EXD3: variants seen among roughly 807,000 people sequenced by gnomAD.
EXD3 encodes the protein exonuclease 3'-5' domain containing 3.
Under a neutral mutation model 98.0 loss-of-function variants are expected in EXD3, and 92 were observed. The observed-to-expected ratio is 0.94, with a 90% CI of 0.79 to 1.12. The LOEUF is 1.12. EXD3 is among the 50% of genes most tolerant of loss of function. The pLI, the probability that EXD3 is intolerant of heterozygous loss-of-function variation, is 0.00. For synonymous variants in EXD3, 569 were observed against 526.0 expected, an observed-to-expected ratio of 1.08 and a Z score of -1.12; for missense variants, 1,222 against 1,191.6, an observed-to-expected ratio of 1.03 and a Z score of -0.38.
In EXD3 at chr9:137,373,544, A is replaced by T. The variant is rs778178791; in HGVS notation, c.176T>A (p.Leu59His). 2 of 1,603,538 alleles carry T rather than the reference A, an allele frequency of 1.2e-6. No individual in the cohort carries two copies. The highest frequency in any genetic ancestry group is 2.2e-5 in the South Asian group (2 of 89,298). ...FAALDDPLAG[L>H]LDMLESCRGQ... ...CCGGCAGCTCTCCAGCATGTCCAGAAGCCCGGCCAGGGGGTCGTCCAAGGC... is the reference window on the plus strand; with the variant it reads ...CCGGCAGCTCTCCAGCATGTCCAGATGCCCGGCCAGGGGGTCGTCCAAGGC... Residue 59 changes from leucine (L) to histidine (H), a missense_variant, in exon 4 of 22, where the codon CTT (leucine) becomes CAT (histidine). Coordinates refer to ENST00000340951, the MANE Select transcript of EXD3 (RefSeq NM_017820.5).
rs1588400518 is a variant in EXD3 at position 137,385,967 on chromosome 9, T to C, written c.56-2590A>G. ...GTACACAGGAAAGTGGTTAAAATGG[T>C]AAATTTCATGTTATGTATATTTCAC... On this transcript the variant is annotated intron_variant, in intron 2 of 21. Coordinates refer to ENST00000340951, the MANE Select transcript of EXD3 (RefSeq NM_017820.5). This position sits in a 1 kb window ranked among gnomAD's most constrained non-coding sequence, Gnocchi z 4.4. Among the ~76,000 whole-genome samples, 1 of 152,138 alleles carries C rather than the reference T, an allele frequency of 6.6e-6. No homozygotes were observed. The highest frequency in any genetic ancestry group is 2.4e-5 in the African/African-American group (1 of 41,454).
chr9:137,309,242 G>A (rs1304312286), intron 20 of EXD3, among the ~76,000 whole-genome samples: 1 of 152,214 alleles, frequency 6.6e-6, no homozygotes, highest in East Asian at 1.9e-4. Context: ...GACATCTGGG[G>A]TCAGCTAGTG....
At chr9:137,417,831 G>T (rs574095162) in intron 1 of EXD3, among the ~76,000 whole-genome samples, 3 of 152,228 alleles carry the variant, frequency 2.0e-5, no homozygotes, top group Admixed American at 1.3e-4. Flanking sequence ...GGGCGCCTGC[G>T]GGGGAGGCCG....
intron 1 of EXD3, among the ~76,000 whole-genome samples, chr9:137,401,516 G>A (rs573349516): frequency 3.0e-4 from 46 of 152,290 alleles, no homozygotes; most frequent in Non-Finnish European, 5.0e-4. Context: ...CCGCCCCACA[G>A]CAAACTTTTG....
At chr9:137,417,055 G>C (rs1321927774) in intron 1 of EXD3, among the ~76,000 whole-genome samples, 1 of 152,254 alleles carries the variant, frequency 6.6e-6, no homozygotes, top group Non-Finnish European at 1.5e-5. Context: ...AGAACAGGCG[G>C]AGGCGGCAAC....
chr9:137,355,520 A>AGGAGGAT (rs1834638191), intron 8 of EXD3, among the ~76,000 whole-genome samples: 1 of 37,702 alleles, frequency 2.7e-5, no homozygotes. Context: ...GGAAGGAGGA[A>AGGAGGAT]GGAGGATGGA....
chr9:137,340,941 G>A (rs1003122172), intron 17 of EXD3, among the ~76,000 whole-genome samples: 6 of 152,320 alleles, frequency 3.9e-5, no homozygotes, highest in African/African-American at 1.4e-4. Flanking sequence ...TGAAGGAGAA[G>A]AACAAGGTAG....
At chr9:137,353,972 G>A in intron 10 of EXD3, 1 of 1,082,690 alleles carries the variant, frequency 9.2e-7, no homozygotes, top group Non-Finnish European at 1.1e-6. Context: ...CTGGCACCGG[G>A]CTGGGGGGGC....
At chr9:137,356,110 C>G (rs1834772509) in intron 8 of EXD3, among the ~76,000 whole-genome samples, 158 bp downstream of exon 8, 1 of 152,202 alleles carries the variant, frequency 6.6e-6, no homozygotes, top group Non-Finnish European at 1.5e-5. Context: ...CACAGCCACT[C>G]TGGCACGAGC....
At chr9:137,417,749 C>T (rs1209594787) in intron 1 of EXD3, among the ~76,000 whole-genome samples, 1 of 152,168 alleles carries the variant, frequency 6.6e-6, no homozygotes, top group Non-Finnish European at 1.5e-5. Context: ...GCGCCCCGGG[C>T]ACACCGGCCA....
chr9:137,386,792 C>A (rs889543747), intron 2 of EXD3, among the ~76,000 whole-genome samples: 2 of 146,752 alleles, frequency 1.4e-5, no homozygotes, highest in East Asian at 4.0e-4. Flanking sequence ...TCCCTCAGCA[C>A]CCCTGCTCCC....
At chr9:137,416,803 G>A (rs1401268653) in intron 1 of EXD3, among the ~76,000 whole-genome samples, 1 of 151,664 alleles carries the variant, frequency 6.6e-6, no homozygotes, top group Admixed American at 6.6e-5. Flanking sequence ...TGGGGCTGTC[G>A]CGAGCTCGCA....
Position 137,328,567 on chromosome 9 carries a change from C to T in EXD3, c.1999-4424G>A, listed in dbSNP as rs927087883. Among the ~76,000 whole-genome samples, 4 of 149,314 alleles carry T rather than the reference C, an allele frequency of 2.7e-5. 1 individual carries two copies. The highest frequency in any genetic ancestry group is 2.7e-4 in the Admixed American group (4 of 14,986). On this transcript the variant is annotated intron_variant, in intron 17 of 21. Transcript: ENST00000340951. Reference sequence around the variant, plus strand: ...AAACGGGTCAAAGGGAAGAAACAGACTAGTTACACAGGAGCTACACGGGAC... The same window carrying T: ...AAACGGGTCAAAGGGAAGAAACAGATTAGTTACACAGGAGCTACACGGGAC...
chr9:137,350,808 C>T (rs887885146), intron 14 of EXD3, among the ~76,000 whole-genome samples: 13 of 152,174 alleles, frequency 8.5e-5, no homozygotes, highest in Admixed American at 3.9e-4. Flanking sequence ...CACCAGATAA[C>T]GGCCCCACAG....
At chr9:137,400,045 A>AAAAAAAAAAAAAAAAAAAAAAAAAAG (rs1564209842) in intron 1 of EXD3, among the ~76,000 whole-genome samples, 4 of 149,792 alleles carry the variant, frequency 2.7e-5, no homozygotes, top group African/African-American at 1.0e-4. Context: ...AAAAAAAAAA[A>AAAAAAAAAAAAAAAAAAAAAAAAAAG]AAAGAAAATG....
intron 19 of EXD3, among the ~76,000 whole-genome samples, chr9:137,312,433 G>A (rs1831413713): frequency 6.6e-6 from 1 of 152,154 alleles, no homozygotes; most frequent in African/African-American, 2.4e-5. Flanking sequence ...CCTGACACAG[G>A]GCACTTCCGC....
chr9:137,388,603 G>A (rs989959296), intron 2 of EXD3, among the ~76,000 whole-genome samples: 22 of 152,126 alleles, frequency 1.4e-4, no homozygotes, highest in African/African-American at 3.9e-4. Context: ...AACTGAGGCC[G>A]ACCCCAGCAG....
intron 1 of EXD3, among the ~76,000 whole-genome samples, chr9:137,399,991 T>C (rs10125610): frequency 1.4e-3 from 212 of 147,342 alleles, no homozygotes; most frequent in African/African-American, 2.6e-3. Context: ...GACTGCACCA[T>C]TGCACTCCAG....
intron 19 of EXD3, among the ~76,000 whole-genome samples, chr9:137,314,192 AG>A (rs1402409023): frequency 1.3e-5 from 2 of 152,172 alleles, no homozygotes; most frequent in Non-Finnish European, 2.9e-5. Context: ...CTGCCCGCCG[AG>A]GCCTGGGTCT....
Sources: allele counts gnomAD v4.1 joint callset (sites outside exome capture counted in the v4.1 genomes callset), GRCh38; gene constraint gnomAD v4.1.1; non-coding constraint Gnocchi (gnomAD v3.1); transcripts MANE v1.5; gene names NCBI Gene and HGNC (gene_info 2026-07-23, HGNC 2026-07-21).